The following KCNMB2 variants were observed in gnomAD, a reference collection of about 807,000 sequenced individuals.
KCNMB2 encodes calcium-activated potassium channel subunit beta-2.
KCNMB2 carries 9 observed loss-of-function variants against 24.5 expected under a neutral mutation model. That is an observed-to-expected ratio of 0.37 (90% CI 0.22 to 0.64). The LOEUF is 0.64. KCNMB2 is among the 30% of genes least tolerant of loss of function. The probability of loss-of-function intolerance (pLI) is 0.63; values close to 1 mark genes in which losing one functional copy is unlikely to be tolerated. For synonymous variants in KCNMB2, 109 were observed against 104.4 expected (o/e 1.04, Z -0.27); for missense variants, 226 against 284.3 (o/e 0.79, Z 1.47).
At chr3:178,728,639 G>T (rs1001393111) in intron 1 of KCNMB2, among the ~76,000 whole-genome samples, 12 of 152,086 alleles carry the variant, frequency 7.9e-5, no homozygotes, top group African/African-American at 2.9e-4. Flanking sequence ...GTCTAGGGGG[G>T]TCCCACTCTC....
At chr3:178,581,452 C>T (rs1350644260) in intron 1 of KCNMB2, among the ~76,000 whole-genome samples, 1 of 151,968 alleles carries the variant, frequency 6.6e-6, no homozygotes, top group Non-Finnish European at 1.5e-5. Flanking sequence ...AGGACATAGG[C>T]TTAGGCAAAG....
intron 1 of KCNMB2, among the ~76,000 whole-genome samples, chr3:178,806,137 C>T (rs1713957924): frequency 6.6e-6 from 1 of 152,156 alleles, no homozygotes. Flanking sequence ...AAGTTCTCAT[C>T]TCTAAAGAAT....
chr3:178,562,605 T>C (rs1716364000), intron 1 of KCNMB2, among the ~76,000 whole-genome samples: 1 of 152,252 alleles, frequency 6.6e-6, no homozygotes. Context: ...GCAAGTGGAT[T>C]CTTTATTTTG....
chr3:178,825,460 A>C, intron 2 of KCNMB2, 128 bp from the exon 3 acceptor site: 1 of 652,798 alleles, frequency 1.5e-6, no homozygotes, highest in Non-Finnish European at 2.7e-6. Flanking sequence ...GTGGACACAC[A>C]CTGAGGTCCA....
At chr3:178,788,865 A>G (rs750703592) in intron 1 of KCNMB2, among the ~76,000 whole-genome samples, 3 of 152,222 alleles carry the variant, frequency 2.0e-5, no homozygotes, top group Non-Finnish European at 4.4e-5. Context: ...CCAAAGTTCT[A>G]TAAGAGCAGA....
intron 1 of KCNMB2, among the ~76,000 whole-genome samples, chr3:178,593,739 T>G (rs1045749971): frequency 6.6e-6 from 1 of 151,688 alleles, no homozygotes; most frequent in African/African-American, 2.4e-5. Flanking sequence ...CTCTTTCCCG[T>G]GTTGCAATGT....
intron 2 of KCNMB2, among the ~76,000 whole-genome samples, chr3:178,821,027 C>T (rs1714606941): frequency 6.6e-6 from 1 of 152,180 alleles, no homozygotes; most frequent in African/African-American, 2.4e-5. Context: ...TCCTGCTCTA[C>T]ACCCACTGTT....
At chr3:178,683,013 A>G (rs560849110) in intron 1 of KCNMB2, among the ~76,000 whole-genome samples, 1 of 152,136 alleles carries the variant, frequency 6.6e-6, no homozygotes, top group African/African-American at 2.4e-5. Flanking sequence ...AAGAAAATAA[A>G]TCTACCAAAA....
intron 1 of KCNMB2, among the ~76,000 whole-genome samples, chr3:178,594,464 G>A (rs1252909286): frequency 6.6e-6 from 1 of 152,080 alleles, no homozygotes; most frequent in Admixed American, 6.6e-5. Flanking sequence ...ATTGATGTAG[G>A]TGTGACAGAA....
intron 1 of KCNMB2, among the ~76,000 whole-genome samples, chr3:178,655,101 T>G (rs974918752): frequency 9.7e-5 from 8 of 82,240 alleles, no homozygotes; most frequent in African/African-American, 4.6e-4. Context: ...TCTCCCTCTC[T>G]CTCTCTCTCT....
rs1274583468 is a variant in KCNMB2, at chr3:178,757,275, T to G, written c.-67-50068T>G. 7.4e-5 allele frequency: 10 copies of G among 135,810 alleles called. No individual in the cohort carries two copies. In the Admixed American group the frequency reaches 7.9e-4, roughly 11 times the overall value. 8.4% of individuals were successfully genotyped at this position (135,810 alleles called of 1,614,324 possible). A position where few individuals can be genotyped will look rare whatever the true frequency, so the allele number is the denominator to read the frequency against. On this transcript the variant is annotated intron_variant, in intron 1 of 4. Coordinates refer to ENST00000452583, the MANE Select transcript of KCNMB2 (RefSeq NM_181361.3). ...ATATATATACACGTGTGTGTGTGTA[T>G]ACATATATCCAAGAGGATATATATA...
At chr3:178,663,326 A>G (rs1384784022) in intron 1 of KCNMB2, among the ~76,000 whole-genome samples, 2 of 152,148 alleles carry the variant, frequency 1.3e-5, no homozygotes, top group Non-Finnish European at 2.9e-5. Context: ...CTGTAGTAAT[A>G]AGATATGTTA....
intron 1 of KCNMB2, among the ~76,000 whole-genome samples, chr3:178,623,052 A>G (rs914061412): frequency 6.6e-6 from 1 of 152,218 alleles, no homozygotes; most frequent in African/African-American, 2.4e-5. Context: ...TAGCAAATAG[A>G]TATGGATTAA....
intron 1 of KCNMB2, among the ~76,000 whole-genome samples, chr3:178,804,709 T>C (rs1713897648): frequency 6.6e-6 from 1 of 152,256 alleles, no homozygotes; most frequent in African/African-American, 2.4e-5. Flanking sequence ...TTATAATTTG[T>C]ATGATGTGTC....
At chr3:178,837,326 C>T (rs1715270031) in intron 4 of KCNMB2, among the ~76,000 whole-genome samples, 1 of 152,030 alleles carries the variant, frequency 6.6e-6, no homozygotes, top group African/African-American at 2.4e-5. Context: ...ACAAAAAAAA[C>T]CCTGCCATGA....
intron 1 of KCNMB2, among the ~76,000 whole-genome samples, chr3:178,562,879 C>T (rs956227514): frequency 6.6e-6 from 1 of 152,140 alleles, no homozygotes; most frequent in Non-Finnish European, 1.5e-5. Context: ...ACTGATGAAA[C>T]CTTGAAGCTG....
intron 1 of KCNMB2, among the ~76,000 whole-genome samples, chr3:178,671,711 C>T (rs1720905292): frequency 6.6e-6 from 1 of 152,164 alleles, no homozygotes; most frequent in South Asian, 2.1e-4. Flanking sequence ...GCTGTCTGTC[C>T]TTGCTTCCCT....
At position 178,677,747 on chromosome 3, in the gene KCNMB2, A is replaced by G. The variant is rs184793526; in HGVS notation, c.-67-129596A>G. Among the ~76,000 whole-genome samples, 58 of 152,324 alleles carry G rather than the reference A, an allele frequency of 3.8e-4. No individual in the cohort carries two copies. The Middle Eastern group carries it at 0.01, about 27-fold the overall frequency. On this transcript the variant is annotated intron_variant, in intron 1 of 4. Coordinates refer to ENST00000452583, the MANE Select transcript of KCNMB2 (RefSeq NM_181361.3). ...ATCATTTTGATAGGCTGGGAAGCAT[A>G]GCCTCTAACAGAGAAAGCAAGCAAG... is the stretch of plus-strand genomic sequence containing the variant.
At chr3:178,614,081 C>A (rs1718592850) in intron 1 of KCNMB2, among the ~76,000 whole-genome samples, 3 of 149,634 alleles carry the variant, frequency 2.0e-5, no homozygotes, top group African/African-American at 7.4e-5. Context: ...ATCTGTCCTG[C>A]TATTAAAAGA....
Sources: allele counts gnomAD v4.1 joint callset (sites outside exome capture counted in the v4.1 genomes callset), GRCh38; gene constraint gnomAD v4.1.1; transcripts MANE v1.5; gene names NCBI Gene and HGNC (gene_info 2026-07-23, HGNC 2026-07-21).